Variants in ADAMTS9 observed in about 807,000 individuals in gnomAD.
The protein encoded by ADAMTS9 is ADAM metallopeptidase with thrombospondin type 1 motif 9.
ADAMTS9 carries 107 observed loss-of-function variants against 257.1 expected under a neutral mutation model. That is an observed-to-expected ratio of 0.42 (90% CI 0.36 to 0.49). ADAMTS9 has a LOEUF of 0.49. ADAMTS9 is among the 20% of genes least tolerant of loss of function. The probability of loss-of-function intolerance (pLI) is 0.03; values close to 1 mark genes in which losing one functional copy is unlikely to be tolerated. For synonymous variants in ADAMTS9, 982 were observed against 880.9 expected, an observed-to-expected ratio of 1.11 and a Z score of -2.03; for missense variants, 2,353 against 2,469.1, an observed-to-expected ratio of 0.95 and a Z score of 1.00.
chr3:64,655,270 G>T (rs988085427), intron 6 of ADAMTS9, among the ~76,000 whole-genome samples: 4 of 152,140 alleles, frequency 2.6e-5, no homozygotes, highest in Admixed American at 6.5e-5. Context: ...TCCTCACTTG[G>T]TATCTATAGG....
intron 3 of ADAMTS9, among the ~76,000 whole-genome samples, chr3:64,665,390 C>T (rs776007484): frequency 5.9e-5 from 9 of 152,308 alleles, no homozygotes; most frequent in East Asian, 5.8e-4. Flanking sequence ...GCTCACCCTC[C>T]GTCCTCCCAC....
At chr3:64,610,470 G>C (rs2084643634) in intron 22 of ADAMTS9, among the ~76,000 whole-genome samples, 1 of 151,504 alleles carries the variant, frequency 6.6e-6, no homozygotes, top group South Asian at 2.1e-4. Flanking sequence ...GAGAAATTCT[G>C]TGATGAGTTT....
At chr3:64,656,264 A>T (rs1402875469) in intron 4 of ADAMTS9, among the ~76,000 whole-genome samples, 3 of 152,172 alleles carry the variant, frequency 2.0e-5, no homozygotes, top group Non-Finnish European at 4.4e-5. Flanking sequence ...AATGTTTGCC[A>T]CCCATTGTGT....
At position 64,687,390 on chromosome 3, in the gene ADAMTS9, G is replaced by A. The variant is rs1701945441; in HGVS notation, c.115+153C>T. Reference sequence around the variant, plus strand: ...GTGTCCCTCCCTAGCAATTGGTTGGGGATGACCCAAAGAAGGGAGAGGCTG... The same window carrying A: ...GTGTCCCTCCCTAGCAATTGGTTGGAGATGACCCAAAGAAGGGAGAGGCTG... On this transcript the variant is annotated intron_variant, in intron 1 of 39. Coordinates refer to ENST00000498707, the MANE Select transcript of ADAMTS9 (RefSeq NM_182920.2). The surrounding 1 kb of genome is among the most constrained non-coding windows in gnomAD (Gnocchi z 4.4). Among the ~76,000 whole-genome samples, 1 of 152,172 alleles carries A rather than the reference G, an allele frequency of 6.6e-6. No individual in the cohort carries two copies. Among genetic ancestry groups the A allele is most frequent in the African/African-American group, 2.4e-5 (1 of 41,444 alleles).
chr3:64,641,384 T>A (rs971777438), intron 12 of ADAMTS9, among the ~76,000 whole-genome samples: 2 of 151,752 alleles, frequency 1.3e-5, no homozygotes, highest in African/African-American at 2.4e-5. Flanking sequence ...GTTAGTTACA[T>A]ATGTATACAT....
intron 20 of ADAMTS9, 80 bp downstream of exon 20, chr3:64,615,880 G>C: frequency 6.5e-7 from 1 of 1,533,704 alleles, no homozygotes; most frequent in Non-Finnish European, 9.0e-7. Context: ...AGCCTAAATG[G>C]GGCTTACACA....
intron 12 of ADAMTS9, among the ~76,000 whole-genome samples, chr3:64,634,088 C>T (rs571987211): frequency 6.6e-5 from 10 of 151,984 alleles, no homozygotes; most frequent in East Asian, 2.0e-4. Flanking sequence ...ACTTGGCCTC[C>T]GCAATCTTCC....
At chr3:64,655,547 A>G (rs1701046956) in intron 6 of ADAMTS9, 29 bp downstream of exon 6, 1 of 1,558,174 alleles carries the variant, frequency 6.4e-7, no homozygotes, top group East Asian at 2.2e-5. Flanking sequence ...CTGAGACTGA[A>G]AGATCTGAGG....
Position 64,681,313 on chromosome 3 carries a change from C to A in ADAMTS9, c.567G>T (p.Gln189His). ...HDGDYFIEPL[Q>H]SMDEQEDEEE... ...CTTCATCTTCTTGTTCATCCATAGA[C>A]TGTAGTGGTTCAATAAAATAATCCC... The change falls in exon 3 of 40, where the codon CAG becomes CAT. Residue 189 changes from glutamine (Q) to histidine (H), a missense_variant. Physicochemically the swap from Gln to His is conservative, Grantham distance 24 (BLOSUM62 0). Transcript: ENST00000498707. 1 of 1,613,882 alleles carries A rather than the reference C, an allele frequency of 6.2e-7. No homozygotes were observed. Among genetic ancestry groups the A allele is most frequent in the Non-Finnish European group, 8.5e-7 (1 of 1,179,884 alleles).
chr3:64,587,455 T>C (rs2084180792), intron 28 of ADAMTS9: 1 of 152,192 alleles, frequency 6.6e-6, no homozygotes, highest in East Asian at 1.9e-4. Context: ...TTTAGAGTAA[T>C]TTAAAAATTA....
intron 12 of ADAMTS9, among the ~76,000 whole-genome samples, chr3:64,639,304 TTTTTTTTTAAAAAAAA>T (rs1197204121): frequency 3.5e-5 from 5 of 144,494 alleles, no homozygotes; most frequent in Non-Finnish European, 7.5e-5. Context: ...TTTTTTTTTT[TTTTTTTTTAAAAAAAA>T]AAAAAAAAAA....
At chr3:64,556,022 C>A (rs1034006823) in intron 30 of ADAMTS9, among the ~76,000 whole-genome samples, 14 of 152,190 alleles carry the variant, frequency 9.2e-5, no homozygotes, top group Non-Finnish European at 1.9e-4. Context: ...TCATTCCCTA[C>A]TGTTAACTTC....
At chr3:64,631,688 T>C in intron 15 of ADAMTS9, 120 bp downstream of exon 15, 1 of 1,187,094 alleles carries the variant, frequency 8.4e-7, no homozygotes, top group Non-Finnish European at 1.2e-6. Context: ...CGATGGATAA[T>C]CCACCATAAC....
intron 22 of ADAMTS9, among the ~76,000 whole-genome samples, chr3:64,608,055 A>C (rs2084590269): frequency 6.6e-6 from 1 of 152,070 alleles, no homozygotes; most frequent in Non-Finnish European, 1.5e-5. Flanking sequence ...ATCATAAGGG[A>C]TATTAGAAAA....
At chr3:64,676,412 G>C (rs1701625606) in intron 3 of ADAMTS9, among the ~76,000 whole-genome samples, 1 of 152,004 alleles carries the variant, frequency 6.6e-6, no homozygotes, top group African/African-American at 2.4e-5. Flanking sequence ...AAGTTCAAAA[G>C]TAAAGACTGC....
In ADAMTS9 at chr3:64,654,553, A is replaced by G. The variant is rs374263324; in HGVS notation, c.1210+19T>C. 1.7e-4 allele frequency: 280 copies of G among 1,613,994 alleles called. 1 individual carries two copies. In the African/African-American group the frequency reaches 3.1e-3, roughly 18 times the overall value. On this transcript the variant is annotated intron_variant, in intron 7 of 39. Coordinates refer to ENST00000498707, the MANE Select transcript of ADAMTS9 (RefSeq NM_182920.2). ...AGTAAAACGGTTTTAGCCATAGAAG[A>G]TACGCACAGAGAACTCACCTAAGGT...
chr3:64,607,342 G>T (rs59754172), intron 22 of ADAMTS9, among the ~76,000 whole-genome samples: 4,545 of 152,234 alleles, frequency 0.03, 217 homozygotes, highest in African/African-American at 0.1. Flanking sequence ...ACTCCTAGAA[G>T]GAGCAGACTG....
At chr3:64,597,610 C>T (rs2084389171) in intron 26 of ADAMTS9, among the ~76,000 whole-genome samples, 1 of 152,158 alleles carries the variant, frequency 6.6e-6, no homozygotes, top group South Asian at 2.1e-4. Context: ...TTATTTTTTA[C>T]TTCCCCAATG....
intron 23 of ADAMTS9, among the ~76,000 whole-genome samples, chr3:64,605,430 T>A (rs917236099): frequency 6.0e-4 from 91 of 152,252 alleles, no homozygotes; most frequent in African/African-American, 2.2e-3. Context: ...TGATCGATGA[T>A]GACAACATGA....
Sources: allele counts gnomAD v4.1 joint callset (sites outside exome capture counted in the v4.1 genomes callset), GRCh38; gene constraint gnomAD v4.1.1; non-coding constraint Gnocchi (gnomAD v3.1); transcripts MANE v1.5; gene names NCBI Gene and HGNC (gene_info 2026-07-23, HGNC 2026-07-21).